TAFA2: variants seen among roughly 807,000 people sequenced by gnomAD.
TAFA2 encodes the protein chemokine-like protein TAFA-2.
TAFA2 carries 7 observed loss-of-function variants against 18.8 expected under a neutral mutation model. That is an observed-to-expected ratio of 0.37 (90% CI 0.21 to 0.70). TAFA2 has a LOEUF of 0.70. Ranked by LOEUF, TAFA2 falls within the 30% of genes least tolerant of loss-of-function variation. TAFA2 has a pLI of 0.53. For missense variants in TAFA2, 122 were observed against 158.1 expected, an observed-to-expected ratio of 0.77 and a Z score of 1.23; for synonymous variants, 60 against 54.2, an observed-to-expected ratio of 1.11 and a Z score of -0.47.
chr12:61,952,588 G>T (rs12320154), intron 1 of TAFA2, among the ~76,000 whole-genome samples: 13,823 of 152,010 alleles, frequency 0.091, 2,069 homozygotes, highest in African/African-American at 0.31. Context: ...AAGACCTTCA[G>T]AACACAGTAC....
At chr12:61,973,280 A>C (rs1482138339) in intron 1 of TAFA2, among the ~76,000 whole-genome samples, 1 of 151,630 alleles carries the variant, frequency 6.6e-6, no homozygotes, top group Non-Finnish European at 1.5e-5. Flanking sequence ...CAATGTGAAC[A>C]GTCCTGCTGA....
At chr12:61,953,709 C>T (rs924551341) in intron 1 of TAFA2, among the ~76,000 whole-genome samples, 1 of 152,114 alleles carries the variant, frequency 6.6e-6, no homozygotes, top group Non-Finnish European at 1.5e-5. Flanking sequence ...TCTGCCTCAG[C>T]ATCTTCCCCA....
chr12:61,887,465 G>A (rs916445504), intron 1 of TAFA2, among the ~76,000 whole-genome samples: 1 of 151,680 alleles, frequency 6.6e-6, no homozygotes, highest in African/African-American at 2.4e-5. Context: ...TTAAGTTTTA[G>A]GGTACATGTG....
intron 1 of TAFA2, among the ~76,000 whole-genome samples, chr12:62,173,729 T>C (rs1565769935): frequency 6.6e-6 from 1 of 152,206 alleles, no homozygotes; most frequent in East Asian, 1.9e-4. Flanking sequence ...ACCTCTAGTG[T>C]TGGAAATTCA....
At chr12:61,826,771 C>G (rs12816643) in intron 2 of TAFA2, among the ~76,000 whole-genome samples, 43,939 of 151,794 alleles carry the variant, frequency 0.29, 6,920 homozygotes, top group South Asian at 0.4. Flanking sequence ...CTCTCTCTCT[C>G]TCTCTCACTT....
chr12:61,877,905 A>T (rs1404563378), intron 1 of TAFA2, among the ~76,000 whole-genome samples: 2 of 137,620 alleles, frequency 1.5e-5, no homozygotes, highest in Non-Finnish European at 3.2e-5. Flanking sequence ...TGTGATTTTT[A>T]TATATATATA....
At chr12:61,880,726 G>T in intron 1 of TAFA2, 1 of 371,414 alleles carries the variant, frequency 2.7e-6, no homozygotes, top group South Asian at 2.3e-5. Flanking sequence ...ATCGAGACCC[G>T]CGATGGGAAG....
rs200201716 is a variant in TAFA2, at chr12:62,062,174, CA to C, written c.-2+129084del. Among the ~76,000 whole-genome samples the C allele has an allele frequency of 3.3e-4, 49 of 150,208 alleles. 1 individual carries two copies. The highest frequency in any genetic ancestry group is 1.1e-3 in the African/African-American group (45 of 40,980). ...GGATGACAGAGCAAGACTCTCTCAA[CA>C]AAAAAAAAGAGATGCAAAACATAAA... is the stretch of plus-strand genomic sequence containing the variant. On this transcript the variant is annotated intron_variant, in intron 1 of 4. Transcript: ENST00000416284.
intron 1 of TAFA2, among the ~76,000 whole-genome samples, chr12:62,162,926 T>C (rs895716617): frequency 6.6e-6 from 1 of 151,742 alleles, no homozygotes; most frequent in African/African-American, 2.4e-5. Context: ...GTCTGAAGAA[T>C]GGGGAAGATT....
At chr12:62,050,584 A>AG (rs1273395612) in intron 1 of TAFA2, among the ~76,000 whole-genome samples, 4 of 152,052 alleles carry the variant, frequency 2.6e-5, no homozygotes, top group African/African-American at 9.7e-5. Flanking sequence ...AAAAAAAAAA[A>AG]ATTGTTACAA....
At chr12:62,251,499 G>A (rs550144643) in intron 1 of TAFA2, among the ~76,000 whole-genome samples, 203 of 152,312 alleles carry the variant, frequency 1.3e-3, no homozygotes, top group African/African-American at 4.6e-3. Context: ...GCCACTGCCA[G>A]GGTAAAGACC....
intron 1 of TAFA2, among the ~76,000 whole-genome samples, chr12:62,161,995 C>A (rs528202134): frequency 1.4e-3 from 211 of 152,234 alleles, no homozygotes; most frequent in African/African-American, 5.0e-3. Flanking sequence ...TTTCTAAGAA[C>A]CTATAAATGC....
At chr12:61,912,404 T>C (rs990755613) in intron 1 of TAFA2, among the ~76,000 whole-genome samples, 1 of 152,204 alleles carries the variant, frequency 6.6e-6, no homozygotes, top group Non-Finnish European at 1.5e-5. Flanking sequence ...ATAAAATACA[T>C]TGTGAAAATT....
rs562410101 is a variant in TAFA2, at chr12:61,922,095, C to T, written c.-1-54669G>A. 8.4e-5 allele frequency among the ~76,000 whole-genome samples: 12 copies of T among 143,016 alleles called. 1 individual carries two copies. Among genetic ancestry groups the T allele is most frequent in the South Asian group, 4.2e-4 (2 of 4,780 alleles). 93.8% of individuals were successfully genotyped at this position (143,016 alleles called of 152,430 possible). On this transcript the variant is annotated intron_variant, in intron 1 of 4. Transcript: ENST00000416284. Reference sequence around the variant, plus strand: ...GAAGAAGTACCACAAAGACCAGATTCGATTTTGTGTAGAAGAGGAGAGCAA... The same window carrying T: ...GAAGAAGTACCACAAAGACCAGATTTGATTTTGTGTAGAAGAGGAGAGCAA...
intron 1 of TAFA2, chr12:62,021,431 CT>C: frequency 1.7e-6 from 1 of 595,482 alleles, no homozygotes; most frequent in Non-Finnish European, 3.0e-6. Context: ...CCCTCACCCC[CT>C]CCCACCCTTT....
chr12:61,899,330 T>C (rs1045151653), intron 1 of TAFA2, among the ~76,000 whole-genome samples: 12 of 152,264 alleles, frequency 7.9e-5, no homozygotes, highest in African/African-American at 2.4e-4. Flanking sequence ...TACCAATTTA[T>C]TGTACTAGTC....
At chr12:62,022,599 G>A (rs1441384059) in intron 1 of TAFA2, among the ~76,000 whole-genome samples, 1 of 152,168 alleles carries the variant, frequency 6.6e-6, no homozygotes. Context: ...ATCTGAGCAA[G>A]CAATTCTTGT....
At chr12:62,088,187 A>G (rs1467912701) in intron 1 of TAFA2, among the ~76,000 whole-genome samples, 1 of 152,136 alleles carries the variant, frequency 6.6e-6, no homozygotes, top group South Asian at 2.1e-4. Flanking sequence ...TAATGAAGGA[A>G]AAACAACAGA....
intron 1 of TAFA2, among the ~76,000 whole-genome samples, chr12:62,051,678 G>A (rs564249233): frequency 6.6e-6 from 1 of 151,808 alleles, no homozygotes; most frequent in South Asian, 2.1e-4. Context: ...GAGGCGACAG[G>A]AACTATGCAT....
Sources: gnomAD v4.1 joint callset for allele counts (sites outside exome capture counted in the v4.1 genomes callset) on GRCh38, gnomAD v4.1.1 for gene constraint, MANE v1.5 for transcripts, NCBI Gene and HGNC (gene_info 2026-07-23, HGNC 2026-07-21) for gene names.